CCDC85C: variants seen among roughly 807,000 people sequenced by gnomAD.
CCDC85C encodes coiled-coil domain containing 85C, also known as coiled-coil domain-containing protein 85C.
CCDC85C carries 18 observed loss-of-function variants against 38.3 expected under a neutral mutation model. The observed-to-expected ratio is 0.47, with a 90% CI of 0.33 to 0.70. The LOEUF (loss-of-function observed/expected upper bound fraction) is 0.70. CCDC85C is among the 30% of genes least tolerant of loss of function. The probability of loss-of-function intolerance (pLI) is 0.03; values close to 1 mark genes in which losing one functional copy is unlikely to be tolerated. For missense variants in CCDC85C, 566 were observed against 621.2 expected, an observed-to-expected ratio of 0.91 and a Z score of 0.94; for synonymous variants, 264 against 293.8, an observed-to-expected ratio of 0.90 and a Z score of 1.04.
intron 1 of CCDC85C, among the ~76,000 whole-genome samples, chr14:99,562,614 C>G (rs1898138696): frequency 6.6e-6 from 1 of 152,152 alleles, no homozygotes; most frequent in Non-Finnish European, 1.5e-5. Flanking sequence ...CTGGGTGAAA[C>G]AAAAGTTAAT....
Position 99,501,522 on chromosome 14 carries a change from C to T in CCDC85C, c.*13724G>A. On this transcript the variant is annotated 3_prime_UTR_variant, in exon 6 of 6. Transcript: ENST00000380243. Reference sequence around the variant, plus strand: ...TTGTGTCAGAAGAAACTGACTTGCCCTGGCTTGAGGAGCCAGTTAATGGCA... The same window carrying T: ...TTGTGTCAGAAGAAACTGACTTGCCTTGGCTTGAGGAGCCAGTTAATGGCA... 1.3e-6 allele frequency: 1 copy of T among 790,364 alleles called. No homozygotes were observed. The allele number at this position is 790,364 out of a possible 1,614,324, so 49.0% of individuals were successfully genotyped here. A position where few individuals can be genotyped will look rare whatever the true frequency, so the allele number is the denominator to read the frequency against.
At chr14:99,600,463 A>G (rs2055187235) in intron 1 of CCDC85C, among the ~76,000 whole-genome samples, 1 of 152,208 alleles carries the variant, frequency 6.6e-6, no homozygotes, top group East Asian at 1.9e-4. Context: ...GCATGGGAGA[A>G]AGAGGGCAAA....
At chr14:99,575,243 G>A (rs1898448738) in intron 1 of CCDC85C, among the ~76,000 whole-genome samples, 1 of 152,210 alleles carries the variant, frequency 6.6e-6, no homozygotes, top group Admixed American at 6.5e-5. Context: ...AGGATGCTTA[G>A]TGTGCATTAG....
At position 99,516,076 on chromosome 14, in the gene CCDC85C, C is replaced by T. The variant is rs1297251434; in HGVS notation, c.1170+112G>A. ...CAGCTATCCAAGGTCACCCAGCCTTCGCTGAGCATTCGAGAAATGGAGTCC... is the reference window on the plus strand; with the variant it reads ...CAGCTATCCAAGGTCACCCAGCCTTTGCTGAGCATTCGAGAAATGGAGTCC... On this transcript the variant is annotated intron_variant, in intron 5 of 5. Transcript: ENST00000380243. This position sits in a 1 kb window ranked among gnomAD's most constrained non-coding sequence, Gnocchi z 5.5. 10 of 858,184 alleles carry T rather than the reference C, an allele frequency of 1.2e-5. No homozygotes were observed. The highest frequency in any genetic ancestry group is 5.3e-5 in the East Asian group (2 of 37,734). The allele number at this position is 858,184 out of a possible 1,614,324, so 53.2% of individuals were successfully genotyped here.
At chr14:99,543,467 A>G (rs965109828) in intron 1 of CCDC85C, among the ~76,000 whole-genome samples, 1 of 152,172 alleles carries the variant, frequency 6.6e-6, no homozygotes, top group African/African-American at 2.4e-5. Context: ...CTGCAACGCA[A>G]AGAGTGGAGC....
chr14:99,506,786 A>C lies in CCDC85C; in HGVS notation c.*8460T>G. 3 of 406,730 alleles carry C rather than the reference A, an allele frequency of 7.4e-6. No individual in the cohort carries two copies. The highest frequency in any genetic ancestry group is 6.5e-5 in the South Asian group (3 of 46,168). The allele number at this position is 406,730 out of a possible 1,614,324, so 25.2% of individuals were successfully genotyped here. ...ATGAAGACGTTGCTCTGCTGGTCTC[A>C]CATGGTCGGAAGGACTTGAGTGAAG... On this transcript the variant is annotated 3_prime_UTR_variant, in exon 6 of 6. Coordinates refer to ENST00000380243, the MANE Select transcript of CCDC85C (RefSeq NM_001144995.2).
At chr14:99,586,147 G>A (rs192141019) in intron 1 of CCDC85C, among the ~76,000 whole-genome samples, 96 of 152,326 alleles carry the variant, frequency 6.3e-4, no homozygotes, top group Admixed American at 2.6e-3. Context: ...ACGGGGCCAG[G>A]GCCAGTGCAG....
chr14:99,572,501 A>G lies in CCDC85C; in HGVS notation c.793+30666T>C, dbSNP rs1898373018. On this transcript the variant is annotated intron_variant, in intron 1 of 5. Transcript: ENST00000380243. The surrounding 1 kb of genome is among the most constrained non-coding windows in gnomAD (Gnocchi z 4.4). ...GTATCACACCTCCGCCAGGCTTTAG[A>G]TAAAATCCCAACCCCAATAGCTCCT... 6.6e-6 allele frequency among the ~76,000 whole-genome samples: 1 copy of G among 151,814 alleles called. No individual in the cohort carries two copies. The highest frequency in any genetic ancestry group is 2.4e-5 in the African/African-American group (1 of 41,286).
chr14:99,519,242 C>T (rs976768510), intron 3 of CCDC85C, among the ~76,000 whole-genome samples: 4 of 147,336 alleles, frequency 2.7e-5, no homozygotes, highest in African/African-American at 7.5e-5. Context: ...CAGCTTCCAG[C>T]GTAGTTGGAA....
At chr14:99,568,347 T>C (rs1348858822) in intron 1 of CCDC85C, among the ~76,000 whole-genome samples, 2 of 147,506 alleles carry the variant, frequency 1.4e-5, no homozygotes, top group African/African-American at 2.5e-5. Flanking sequence ...CATGGGTTCA[T>C]GCGCATTTCT....
At chr14:99,536,241 G>A (rs542469770) in intron 1 of CCDC85C, among the ~76,000 whole-genome samples, 153 bp from the exon 2 acceptor site, 10 of 152,060 alleles carry the variant, frequency 6.6e-5, no homozygotes, top group Non-Finnish European at 1.5e-4. Context: ...CCGAGCCCTC[G>A]CCCGCCCTGT....
At position 99,503,399 on chromosome 14, in the gene CCDC85C, G is replaced by C; in HGVS notation, c.*11847C>G. ...ACCATTCAGGAAAGCTAGTCATTCT[G>C]TCTTATTTGGTAAATGGAAAGAGGA... On this transcript the variant is annotated 3_prime_UTR_variant, in exon 6 of 6. Transcript: ENST00000380243. 1 of 605,044 alleles carries C rather than the reference G, an allele frequency of 1.7e-6. No homozygotes were observed. Among genetic ancestry groups the C allele is most frequent in the Non-Finnish European group, 2.9e-6 (1 of 339,642 alleles). The allele number at this position is 605,044 out of a possible 1,614,324, so 37.5% of individuals were successfully genotyped here.
intron 1 of CCDC85C, among the ~76,000 whole-genome samples, chr14:99,593,266 C>A (rs977930002): frequency 1.3e-5 from 2 of 152,208 alleles, no homozygotes; most frequent in African/African-American, 2.4e-5. Context: ...TGGGAGCCAA[C>A]GGAAAGACAG....
intron 1 of CCDC85C, among the ~76,000 whole-genome samples, chr14:99,555,792 C>T (rs957164016): frequency 1.3e-5 from 2 of 152,186 alleles, no homozygotes; most frequent in Non-Finnish European, 2.9e-5. Flanking sequence ...AAGAGCCTCC[C>T]GCAAACCAGT....
rs1358808620 is a variant in CCDC85C at position 99,572,942 on chromosome 14, C to G, written c.793+30225G>C. The G allele has an allele frequency of 2.5e-5, 10 of 402,440 alleles. No homozygotes were observed. In the Admixed American group the frequency reaches 2.7e-4, roughly 11 times the overall value. The allele number at this position is 402,440 out of a possible 1,614,324, so 24.9% of individuals were successfully genotyped here. On this transcript the variant is annotated intron_variant, in intron 1 of 5. Transcript: ENST00000380243. The surrounding 1 kb of genome is among the most constrained non-coding windows in gnomAD (Gnocchi z 4.4). ...GCAGCGCCTTCTCTTAGCTCTGAGCCCTGCCTTCGCCTCCTACAAGATAGG... is the reference window on the plus strand; with the variant it reads ...GCAGCGCCTTCTCTTAGCTCTGAGCGCTGCCTTCGCCTCCTACAAGATAGG...
intron 1 of CCDC85C, among the ~76,000 whole-genome samples, chr14:99,598,160 A>G (rs977764751): frequency 1.3e-5 from 2 of 152,184 alleles, no homozygotes; most frequent in East Asian, 3.9e-4. Context: ...CAGAGGCTAC[A>G]CGTATCACTC....
chr14:99,592,167 C>T (rs1303418047), intron 1 of CCDC85C, among the ~76,000 whole-genome samples: 7 of 152,204 alleles, frequency 4.6e-5, no homozygotes. Context: ...GGTACTAGCC[C>T]ATGCGAAGGC....
rs574014725 is a variant in CCDC85C, at chr14:99,517,168, C to T, written c.991G>A (p.Ala331Thr). The change falls in exon 4 of 6, where the codon GCA becomes ACA. Residue 331 changes from alanine (A) to threonine (T), a missense_variant. Physicochemically the swap from Ala to Thr is moderately conservative, Grantham distance 58. Transcript: ENST00000380243. ...DSLQNGPACPAPELPSPPSAG... is the reference protein window; with the variant it reads ...DSLQNGPACPTPELPSPPSAG... ...GAGGGGGGCGAGGGCAGCTCAGGTG[C>T]GGGGCAGGCCGGGCCCTGGGGAAGG... 2.5e-4 allele frequency: 391 copies of T among 1,546,394 alleles called. 1 individual carries two copies. The highest frequency in any genetic ancestry group is 1.7e-4 in the Middle Eastern group (1 of 5,748).
At chr14:99,534,678 C>T (rs1897558972) in intron 2 of CCDC85C, 1 of 702,278 alleles carries the variant, frequency 1.4e-6, no homozygotes, top group African/African-American at 1.7e-5. Flanking sequence ...CACACACCCT[C>T]CTTAGCAACC....
Sources: allele counts gnomAD v4.1 joint callset (sites outside exome capture counted in the v4.1 genomes callset), GRCh38; gene constraint gnomAD v4.1.1; non-coding constraint Gnocchi (gnomAD v3.1); transcripts MANE v1.5; gene names NCBI Gene and HGNC (gene_info 2026-07-23, HGNC 2026-07-21).